Variants in CCSAP observed in about 807,000 individuals in gnomAD.
The protein encoded by CCSAP is centriole, cilia and spindle associated protein, also known as centriole, cilia and spindle-associated protein.
In CCSAP, 17 loss-of-function variants were observed where a neutral mutation model predicts 25.9. The observed-to-expected ratio is 0.66, with a 90% CI of 0.45 to 0.99. The LOEUF (loss-of-function observed/expected upper bound fraction) is 0.99. Ranked by LOEUF, CCSAP falls within the 50% of genes least tolerant of loss-of-function variation. The pLI is 0.00. For missense variants in CCSAP, 339 were observed against 367.8 expected (o/e 0.92, Z 0.64); for synonymous variants, 169 against 157.1 (o/e 1.08, Z -0.57).
At chr1:229,329,697 CA>C (rs1658025350) in intron 2 of CCSAP, among the ~76,000 whole-genome samples, 1 of 152,182 alleles carries the variant, frequency 6.6e-6, no homozygotes, top group Non-Finnish European at 1.5e-5. Context: ...GTTTTTTTAA[CA>C]AGGCCCCTCC....
chr1:229,340,452 G>A (rs1250870802), intron 2 of CCSAP: 1 of 716,058 alleles, frequency 1.4e-6, no homozygotes, highest in South Asian at 1.5e-5. Flanking sequence ...CCTAAAAATT[G>A]TATTTATATT....
chr1:229,341,193 C>CAAAAAAAAAAAAAAAAAAAAAAAAAAAAA (rs71561730), intron 2 of CCSAP, among the ~76,000 whole-genome samples: 11 of 91,110 alleles, frequency 1.2e-4, no homozygotes, highest in African/African-American at 5.3e-4. Flanking sequence ...GACTCCGTCT[C>CAAAAAAAAAAAAAAAAAAAAAAAAAAAAA]AAAAAAAAAA....
At position 229,337,678 on chromosome 1, in the gene CCSAP, A is replaced by AAAAAAAAAAAATATATAT; in HGVS notation, c.367+4420_367+4421insATATATATTTTTTTTTTT. 1.5e-4 allele frequency among the ~76,000 whole-genome samples: 10 copies of AAAAAAAAAAAATATATAT among 65,494 alleles called. No homozygotes were observed. The East Asian group carries it at 1.6e-3, about 10-fold the overall frequency. The allele number at this position is 65,494 out of a possible 152,430, so 43.0% of individuals were successfully genotyped here. On this transcript the variant is annotated intron_variant, in intron 2 of 3. Coordinates refer to ENST00000284617, the MANE Select transcript of CCSAP (RefSeq NM_145257.5). ...GAACAAGATCAAAGGCTCAAAAAAA[A>AAAAAAAAAAAATATATAT]ATATATATATATATATATATACACA...
intron 2 of CCSAP, among the ~76,000 whole-genome samples, chr1:229,337,323 C>T (rs1380796663): frequency 6.6e-6 from 1 of 151,956 alleles, no homozygotes; most frequent in African/African-American, 2.4e-5. Context: ...TGGCATGGTC[C>T]TTCTCAACAC....
chr1:229,329,212 T>C (rs1658012170), intron 2 of CCSAP, among the ~76,000 whole-genome samples: 1 of 152,226 alleles, frequency 6.6e-6, no homozygotes, highest in Non-Finnish European at 1.5e-5. Context: ...TTCCCCTCTC[T>C]TCCTCCTGTT....
In CCSAP at chr1:229,325,135, G is replaced by T; in HGVS notation, c.*100C>A. The T allele has an allele frequency of 8.1e-7, 1 of 1,231,564 alleles. No individual in the cohort carries two copies. The highest frequency in any genetic ancestry group is 1.1e-6 in the Non-Finnish European group (1 of 896,224). The allele number at this position is 1,231,564 out of a possible 1,614,324, so 76.3% of individuals were successfully genotyped here. On this transcript the variant is annotated 3_prime_UTR_variant, in exon 4 of 4. Coordinates refer to ENST00000284617, the MANE Select transcript of CCSAP (RefSeq NM_145257.5). ...AAAAAAAACCTTGCATAATCAGTTG[G>T]TTTCTTAAACCTGTGTCCGTTTCTT...
At position 229,341,020 on chromosome 1, in the gene CCSAP, C is replaced by G. The variant is rs533203981; in HGVS notation, c.367+1079G>C. 3.3e-5 allele frequency among the ~76,000 whole-genome samples: 5 copies of G among 152,094 alleles called. No individual in the cohort carries two copies. The East Asian group carries it at 9.7e-4, about 29-fold the overall frequency. ...ACCAGCCTGACCAACATGGTGAAAC[C>G]CCGTCTCCACTAAAAATACAAAAAT... is the stretch of plus-strand genomic sequence containing the variant. On this transcript the variant is annotated intron_variant, in intron 2 of 3. Transcript: ENST00000284617.
intron 2 of CCSAP, among the ~76,000 whole-genome samples, chr1:229,335,750 T>G (rs1248413067): frequency 1.3e-5 from 2 of 152,084 alleles, no homozygotes; most frequent in African/African-American, 4.8e-5. Context: ...GCCGGGTCCC[T>G]CCAGCCTGGA....
chr1:229,339,241 G>T (rs1658274138), intron 2 of CCSAP, among the ~76,000 whole-genome samples: 1 of 152,052 alleles, frequency 6.6e-6, no homozygotes, highest in Admixed American at 6.5e-5. Flanking sequence ...GAACATAAAG[G>T]CCAAAGAGAA....
chr1:229,333,028 T>C (rs887714129), intron 2 of CCSAP, among the ~76,000 whole-genome samples: 1 of 152,182 alleles, frequency 6.6e-6, no homozygotes, highest in Non-Finnish European at 1.5e-5. Flanking sequence ...TAAAGAAATC[T>C]TAAGATATTT....
At position 229,342,618 on chromosome 1, in the gene CCSAP, G is replaced by A. The variant is rs968168925; in HGVS notation, c.-48-105C>T. The A allele has an allele frequency of 2.3e-5, 11 of 470,454 alleles. No homozygotes were observed. Among genetic ancestry groups the A allele is most frequent in the African/African-American group, 2.0e-4 (10 of 49,500 alleles). 29.1% of individuals were successfully genotyped at this position (470,454 alleles called of 1,614,324 possible). ...CCCGCCCGGACGGGAGCAGGGGGCG[G>A]GTCCCGGCGAGGGCGGGGAGGGGGC... On this transcript the variant is annotated intron_variant, in intron 1 of 3. Coordinates refer to ENST00000284617, the MANE Select transcript of CCSAP (RefSeq NM_145257.5). The surrounding 1 kb of genome is among the most constrained non-coding windows in gnomAD (Gnocchi z 7.5).
At position 229,330,966 on chromosome 1, in the gene CCSAP, G is replaced by T. The variant is rs948501225; in HGVS notation, c.368-3960C>A. 5.9e-5 allele frequency among the ~76,000 whole-genome samples: 9 copies of T among 152,234 alleles called. No homozygotes were observed. In the East Asian group the frequency reaches 1.7e-3, roughly 29 times the overall value. On this transcript the variant is annotated intron_variant, in intron 2 of 3. Coordinates refer to ENST00000284617, the MANE Select transcript of CCSAP (RefSeq NM_145257.5). Reference sequence around the variant, plus strand: ...GCCAGAGGGGAGGTGTGGGGTGGGGGAACCAGACCCCAGCTGGCTGAGGAC... The same window carrying T: ...GCCAGAGGGGAGGTGTGGGGTGGGGTAACCAGACCCCAGCTGGCTGAGGAC...
intron 2 of CCSAP, among the ~76,000 whole-genome samples, chr1:229,341,211 A>AAAAAAAAAAAAAAAAAAAAC (rs1316475495): frequency 6.6e-6 from 1 of 151,848 alleles, no homozygotes; most frequent in Non-Finnish European, 1.5e-5. Context: ...AAAAAAAAAA[A>AAAAAAAAAAAAAAAAAAAAC]AGATTACAAC....
intron 2 of CCSAP, among the ~76,000 whole-genome samples, chr1:229,332,495 A>G (rs1425423594): frequency 2.6e-5 from 4 of 152,252 alleles, no homozygotes; most frequent in Non-Finnish European, 4.4e-5. Context: ...TTTTCCAAAC[A>G]ATAAGTGTAT....
intron 2 of CCSAP, among the ~76,000 whole-genome samples, chr1:229,338,680 C>T (rs1436853727): frequency 2.6e-5 from 4 of 151,846 alleles, no homozygotes; most frequent in African/African-American, 9.7e-5. Context: ...AGAGAATTAC[C>T]AGCAAAAAGA....
chr1:229,327,881 A>T (rs1454822443), intron 2 of CCSAP, among the ~76,000 whole-genome samples: 1 of 151,560 alleles, frequency 6.6e-6, no homozygotes, highest in Non-Finnish European at 1.5e-5. Context: ...AAAAAAAAAA[A>T]AAAAAAGAGG....
Position 229,342,249 on chromosome 1 carries a change from CG to C in CCSAP, c.216del (p.Ala73HisfsTer13). On this transcript the variant is annotated frameshift_variant, in exon 2 of 4. Coordinates refer to ENST00000284617, the MANE Select transcript of CCSAP (RefSeq NM_145257.5). LOFTEE classifies it high-confidence loss of function. This position sits in a 1 kb window ranked among gnomAD's most constrained non-coding sequence, Gnocchi z 7.5. ...ASSESSGAGGPAPRCAPPSPP... is the reference protein window; with the variant it reads ...ASSESSGAGGXAPRCAPPSPP... ...GGCGAGGGCGGGGCGCACCGGGGTGCGGGGCCCCCGGCGCCCGACGACTCTG... is the reference window on the plus strand; with the variant it reads ...GGCGAGGGCGGGGCGCACCGGGGTGCGGGCCCCCGGCGCCCGACGACTCTG... 1.6e-6 allele frequency: 2 copies of C among 1,272,780 alleles called. No homozygotes were observed. The highest frequency in any genetic ancestry group is 2.0e-6 in the Non-Finnish European group (2 of 1,012,466). The allele number at this position is 1,272,780 out of a possible 1,614,324, so 78.8% of individuals were successfully genotyped here.
chr1:229,339,096 A>G (rs369983135), intron 2 of CCSAP, among the ~76,000 whole-genome samples: 71 of 36,622 alleles, frequency 1.9e-3, no homozygotes, highest in South Asian at 6.8e-3. Flanking sequence ...AAGAAATGGG[A>G]AAAAAAAAAA....
chr1:229,329,628 G>T (rs868155148), intron 2 of CCSAP, among the ~76,000 whole-genome samples: 1 of 152,176 alleles, frequency 6.6e-6, no homozygotes, highest in Non-Finnish European at 1.5e-5. Flanking sequence ...AGAAATAGGG[G>T]CAGAGAGGCC....
Sources: gnomAD v4.1 joint callset for allele counts (sites outside exome capture counted in the v4.1 genomes callset) on GRCh38, gnomAD v4.1.1 for gene constraint, Gnocchi (gnomAD v3.1) non-coding constraint, MANE v1.5 for transcripts, NCBI Gene and HGNC (gene_info 2026-07-23, HGNC 2026-07-21) for gene names.